The following ETV3L variants were observed in gnomAD, a reference collection of about 807,000 sequenced individuals.
The protein encoded by ETV3L is ETS variant transcription factor 3 like.
In ETV3L, 30 loss-of-function variants were observed where a neutral mutation model predicts 27.6. That is an observed-to-expected ratio of 1.09 (90% CI 0.81 to 1.48). The LOEUF is 1.48. ETV3L is among the 40% of genes most tolerant of loss of function. The pLI is 0.00. For missense variants in ETV3L, 443 were observed against 455.6 expected (o/e 0.97, Z 0.25); for synonymous variants, 186 against 188.9 (o/e 0.98, Z 0.12).
At position 157,099,299 on chromosome 1, in the gene ETV3L, C is replaced by T. The variant is rs1353080402; in HGVS notation, c.138G>A (p.Leu46=). 6 of 1,614,188 alleles carry T rather than the reference C, an allele frequency of 3.7e-6. No individual in the cohort carries two copies. In the Admixed American group the frequency reaches 1.0e-4, roughly 27 times the overall value. ...GGAACTCTTCCTTCTGCAGCAGCTC[C>T]AGGATGAAGTGCCACAGCTGGATCT... is the stretch of plus-strand genomic sequence containing the variant. ...SRQIQLWHFI[L]ELLQKEEFRH... The change falls in exon 2 of 5, where the codon CTG becomes CTA. Residue 46 remains leucine (L), a synonymous_variant. Coordinates refer to ENST00000454449, the MANE Select transcript of ETV3L (RefSeq NM_001004341.2).
chr1:157,099,078 A>G, intron 2 of ETV3L, 63 bp downstream of exon 2: 1 of 1,594,574 alleles, frequency 6.3e-7, no homozygotes, highest in East Asian at 2.2e-5. Flanking sequence ...CAGGGGTACC[A>G]GAAACCACGG....
Sources: gnomAD v4.1 joint callset for allele counts on GRCh38, gnomAD v4.1.1 for gene constraint, MANE v1.5 for transcripts, NCBI Gene and HGNC (gene_info 2026-07-23, HGNC 2026-07-21) for gene names.